The following KCND2 variants were observed in gnomAD, a reference collection of about 807,000 sequenced individuals.
KCND2 encodes potassium voltage-gated channel subfamily D member 2, also known as A-type voltage-gated potassium channel KCND2.
A neutral mutation model predicts 54.4 loss-of-function variants in KCND2; 16 were observed. The ratio of observed to expected loss-of-function variants is 0.29; its 90% CI spans 0.20 to 0.45. The LOEUF is 0.45. Ranked by LOEUF, KCND2 falls within the 20% of genes least tolerant of loss-of-function variation. The pLI is 1.00. For synonymous variants in KCND2, 317 were observed against 310.7 expected (o/e 1.02, Z -0.21); for missense variants, 486 against 824.2 (o/e 0.59, Z 5.02).
intron 1 of KCND2, among the ~76,000 whole-genome samples, chr7:120,341,645 G>A (rs1800240730): frequency 6.6e-6 from 1 of 152,058 alleles, no homozygotes; most frequent in Non-Finnish European, 1.5e-5. Flanking sequence ...TAAATGACCT[G>A]GACTTATTTG....
chr7:120,309,675 C>G (rs1174456527), intron 1 of KCND2, among the ~76,000 whole-genome samples: 1 of 151,610 alleles, frequency 6.6e-6, no homozygotes, highest in African/African-American at 2.4e-5. Context: ...GTGTTATTTA[C>G]TTCTATCTTA....
At chr7:120,741,912 A>T (rs1428134390) in intron 3 of KCND2, among the ~76,000 whole-genome samples, 1 of 152,130 alleles carries the variant, frequency 6.6e-6, no homozygotes, top group Non-Finnish European at 1.5e-5. Flanking sequence ...AGGTAAAAAA[A>T]AATGCTTAAT....
At chr7:120,304,233 C>A (rs1481143337) in intron 1 of KCND2, among the ~76,000 whole-genome samples, 1 of 152,104 alleles carries the variant, frequency 6.6e-6, no homozygotes, top group Non-Finnish European at 1.5e-5. Context: ...TCTATTTAAT[C>A]ATTGCAAACA....
At chr7:120,598,213 T>C (rs1792771081) in intron 1 of KCND2, among the ~76,000 whole-genome samples, 1 of 152,182 alleles carries the variant, frequency 6.6e-6, no homozygotes, top group Non-Finnish European at 1.5e-5. Context: ...TTTAATATCA[T>C]TTATTTTTGT....
At chr7:120,352,598 C>T (rs551751360) in intron 1 of KCND2, among the ~76,000 whole-genome samples, 21 of 151,886 alleles carry the variant, frequency 1.4e-4, no homozygotes, top group East Asian at 1.4e-3. Context: ...TACTGTTATA[C>T]GAGTCCTTAG....
At chr7:120,608,126 C>T (rs779260048) in intron 1 of KCND2, among the ~76,000 whole-genome samples, 16 of 151,252 alleles carry the variant, frequency 1.1e-4, no homozygotes, top group Non-Finnish European at 2.4e-4. Context: ...AGATTTAAAT[C>T]AAGTTCATAC....
At chr7:120,281,211 T>G (rs1045585582) in intron 1 of KCND2, among the ~76,000 whole-genome samples, 1 of 152,164 alleles carries the variant, frequency 6.6e-6, no homozygotes, top group Non-Finnish European at 1.5e-5. Context: ...AAACATTCAC[T>G]GAAAAGGAAG....
chr7:120,361,030 A>G (rs1288232921), intron 1 of KCND2, among the ~76,000 whole-genome samples: 2 of 152,106 alleles, frequency 1.3e-5, no homozygotes, highest in Non-Finnish European at 2.9e-5. Context: ...TTTTCTCTGT[A>G]CACACACATA....
At chr7:120,345,430 T>G (rs1800301857) in intron 1 of KCND2, among the ~76,000 whole-genome samples, 4 of 152,198 alleles carry the variant, frequency 2.6e-5, no homozygotes, top group Non-Finnish European at 5.9e-5. Flanking sequence ...GCATAAAATT[T>G]ACTACCTTAA....
At chr7:120,413,758 T>C (rs1394375158) in intron 1 of KCND2, among the ~76,000 whole-genome samples, 1 of 152,038 alleles carries the variant, frequency 6.6e-6, no homozygotes, top group Non-Finnish European at 1.5e-5. Flanking sequence ...TAGTAGACAC[T>C]TCCTAACTGC....
rs910572002 is a variant in KCND2, at chr7:120,745,720, G to A, written c.1468-60G>A. ...ATTTGAGCTTTAAAAATAAAGCTAT[G>A]TATTTCGTTTTTAAAAATGTGCTTC... On this transcript the variant is annotated intron_variant, in intron 4 of 5. Transcript: ENST00000331113. 8 of 1,562,272 alleles carry A rather than the reference G, an allele frequency of 5.1e-6. No individual in the cohort carries two copies. In the South Asian group the frequency reaches 5.6e-5, roughly 11 times the overall value.
intron 1 of KCND2, among the ~76,000 whole-genome samples, chr7:120,291,921 A>C (rs1329141956): frequency 1.3e-5 from 2 of 151,592 alleles, no homozygotes; most frequent in Non-Finnish European, 1.5e-5. Flanking sequence ...CCTTCTGCCA[A>C]ATCCTCCTTT....
intron 1 of KCND2, among the ~76,000 whole-genome samples, chr7:120,282,768 G>T (rs550777777): frequency 6.6e-6 from 1 of 151,968 alleles, no homozygotes; most frequent in African/African-American, 2.4e-5. Flanking sequence ...AGTGCTCTTG[G>T]AAACCCAAAA....
At chr7:120,576,674 C>T (rs892804116) in intron 1 of KCND2, among the ~76,000 whole-genome samples, 1 of 151,514 alleles carries the variant, frequency 6.6e-6, no homozygotes, top group Admixed American at 6.6e-5. Context: ...AATCTGTTTT[C>T]TTCATTCTTC....
chr7:120,444,501 C>T (rs1801991495), intron 1 of KCND2, among the ~76,000 whole-genome samples: 1 of 152,048 alleles, frequency 6.6e-6, no homozygotes, highest in South Asian at 2.1e-4. Flanking sequence ...GATCTATCTT[C>T]TTATTTCCTA....
intron 1 of KCND2, among the ~76,000 whole-genome samples, chr7:120,397,601 T>G (rs1279246936): frequency 2.6e-5 from 4 of 151,942 alleles, no homozygotes; most frequent in Non-Finnish European, 5.9e-5. Context: ...GAATCATAAT[T>G]TTTGTTGCTC....
chr7:120,721,356 C>T (rs907282813), intron 1 of KCND2, among the ~76,000 whole-genome samples: 6 of 152,250 alleles, frequency 3.9e-5, no homozygotes, highest in Admixed American at 2.6e-4. Flanking sequence ...ACCATTCAAT[C>T]GGTGCTTTAA....
At chr7:120,576,880 C>T (rs1380793456) in intron 1 of KCND2, among the ~76,000 whole-genome samples, 4 of 152,162 alleles carry the variant, frequency 2.6e-5, no homozygotes, top group African/African-American at 9.7e-5. Flanking sequence ...GGCGCGGTGG[C>T]TCACACCTGT....
chr7:120,552,284 TAGTG>T (rs1792113090), intron 1 of KCND2, among the ~76,000 whole-genome samples: 1 of 152,200 alleles, frequency 6.6e-6, no homozygotes, highest in Non-Finnish European at 1.5e-5. Context: ...GAGTAACTAA[TAGTG>T]AGAACAGATT....
Sources: allele counts gnomAD v4.1 joint callset (sites outside exome capture counted in the v4.1 genomes callset), GRCh38; gene constraint gnomAD v4.1.1; transcripts MANE v1.5; gene names NCBI Gene and HGNC (gene_info 2026-07-23, HGNC 2026-07-21).